The following DHRSX variants were observed in gnomAD, a reference collection of about 807,000 sequenced individuals.
The protein encoded by DHRSX is polyprenol dehydrogenase.
A neutral mutation model predicts 34.0 loss-of-function variants in DHRSX; 31 were observed. The observed-to-expected ratio is 0.91, with a 90% CI of 0.69 to 1.23. DHRSX has a LOEUF of 1.23. DHRSX is among the 50% of genes most tolerant of loss of function. The pLI, the probability that DHRSX is intolerant of heterozygous loss-of-function variation, is 0.00. For synonymous variants in DHRSX, 201 were observed against 183.8 expected (o/e 1.09, Z -0.76); for missense variants, 414 against 428.1 (o/e 0.97, Z 0.29).
intron 3 of DHRSX, among the ~76,000 whole-genome samples, chrX:2,324,428 C>T (rs1270477802): frequency 6.6e-6 from 1 of 152,192 alleles, no homozygotes; most frequent in African/African-American, 2.4e-5. Flanking sequence ...CTTCAGCCTT[C>T]TGGCATTTTT....
chrX:2,462,451 C>G (rs2044416242), intron 1 of DHRSX, among the ~76,000 whole-genome samples: 1 of 152,034 alleles, frequency 6.6e-6, no homozygotes, highest in Admixed American at 6.6e-5. Context: ...AGGAGAATCG[C>G]TTGAACCTGG....
At chrX:2,234,716 C>T (rs1252637637) in intron 6 of DHRSX, among the ~76,000 whole-genome samples, 1 of 152,092 alleles carries the variant, frequency 6.6e-6, no homozygotes, top group Non-Finnish European at 1.5e-5. Context: ...TATTATTTTA[C>T]TTTTTATTTT....
chrX:2,455,741 CAAAAAAA>C (rs752123891), intron 1 of DHRSX, among the ~76,000 whole-genome samples: 2 of 59,806 alleles, frequency 3.3e-5, no homozygotes, highest in African/African-American at 6.6e-5. Flanking sequence ...AACTTCGTCT[CAAAAAAA>C]AAAAAAAAAA....
At chrX:2,423,357 G>A (rs1338852911) in intron 2 of DHRSX, among the ~76,000 whole-genome samples, 1 of 152,042 alleles carries the variant, frequency 6.6e-6, no homozygotes, top group Non-Finnish European at 1.5e-5. Context: ...GGGATGCCGT[G>A]AGCCGAGGTC....
chrX:2,349,563 T>C (rs2042761574), intron 3 of DHRSX, among the ~76,000 whole-genome samples: 1 of 149,006 alleles, frequency 6.7e-6, no homozygotes, highest in African/African-American at 2.6e-5. Context: ...GGCAGGCACC[T>C]GTAATCTCAG....
At chrX:2,266,244 C>A (rs1324627117) in intron 5 of DHRSX, among the ~76,000 whole-genome samples, 3 of 140,524 alleles carry the variant, frequency 2.1e-5, no homozygotes, top group African/African-American at 8.7e-5. Context: ...CGGTGTCCAG[C>A]AGACGCAGGG....
chrX:2,339,421 G>A (rs1353100044), intron 3 of DHRSX, among the ~76,000 whole-genome samples: 2 of 152,082 alleles, frequency 1.3e-5, no homozygotes, highest in Admixed American at 1.3e-4. Flanking sequence ...TTACAGGTGT[G>A]AGCCACCACA....
intron 1 of DHRSX, among the ~76,000 whole-genome samples, chrX:2,474,462 A>T (rs1235364111): frequency 2.0e-5 from 3 of 149,436 alleles, no homozygotes; most frequent in Admixed American, 6.7e-5. Flanking sequence ...CTAAGAATGC[A>T]GCCAAAAGAC....
intron 3 of DHRSX, among the ~76,000 whole-genome samples, chrX:2,336,848 TATAG>T (rs375205503): frequency 0.42 from 64,104 of 151,454 alleles, 15,957 homozygotes; most frequent in Non-Finnish European, 0.58. Context: ...GATAGATAGA[TATAG>T]ATAGATAGAT....
chrX:2,300,479 T>C (rs1332161746), intron 3 of DHRSX, among the ~76,000 whole-genome samples: 3 of 152,114 alleles, frequency 2.0e-5, no homozygotes, highest in African/African-American at 7.2e-5. Flanking sequence ...AGTTTAACAT[T>C]TGAGTTAGTG....
chrX:2,292,188 T>A (rs1399555018), intron 3 of DHRSX, among the ~76,000 whole-genome samples: 1 of 152,200 alleles, frequency 6.6e-6, no homozygotes, highest in Non-Finnish European at 1.5e-5. Context: ...TGTGAGCTGA[T>A]GTTTTGTGAG....
chrX:2,488,881 G>A, intron 1 of DHRSX: 1 of 1,611,980 alleles, frequency 6.2e-7, no homozygotes, highest in Non-Finnish European at 8.5e-7. Flanking sequence ...CGACGCGCGT[G>A]GCCGTCACGC....
chrX:2,337,041 T>C (rs143764878), intron 3 of DHRSX, among the ~76,000 whole-genome samples: 1,916 of 152,152 alleles, frequency 0.013, 54 homozygotes, highest in African/African-American at 0.044. Context: ...CCTGACATCA[T>C]GATCCACCCA....
At chrX:2,488,181 G>T (rs2044998151) in intron 1 of DHRSX, 1 of 157,886 alleles carries the variant, frequency 6.3e-6, no homozygotes, top group Admixed American at 6.5e-5. Flanking sequence ...CACCTCTCTT[G>T]TGTCTTCTTT....
intron 3 of DHRSX, among the ~76,000 whole-genome samples, chrX:2,382,287 C>T (rs186755945): frequency 6.6e-6 from 1 of 152,218 alleles, no homozygotes; most frequent in African/African-American, 2.4e-5. Context: ...GGGTGTCAGA[C>T]TTGGCCAACC....
chrX:2,403,772 C>T (rs1222361691), intron 3 of DHRSX, among the ~76,000 whole-genome samples: 1 of 151,120 alleles, frequency 6.6e-6, no homozygotes, highest in Non-Finnish European at 1.5e-5. Flanking sequence ...AGGAGAATCG[C>T]TTGAACCCGG....
intron 3 of DHRSX, among the ~76,000 whole-genome samples, chrX:2,312,558 A>G (rs2042176013): frequency 6.6e-6 from 1 of 151,966 alleles, no homozygotes; most frequent in Non-Finnish European, 1.5e-5. Context: ...GGAACATCAC[A>G]CACAGGGGTC....
At chrX:2,346,450 C>A (rs1477086194) in intron 3 of DHRSX, among the ~76,000 whole-genome samples, 3 of 151,998 alleles carry the variant, frequency 2.0e-5, no homozygotes, top group African/African-American at 7.2e-5. Context: ...GATTTTCCTG[C>A]CCCCAGCCTC....
chrX:2,254,739 C>T (rs1224407707), intron 5 of DHRSX, among the ~76,000 whole-genome samples: 3 of 151,794 alleles, frequency 2.0e-5, no homozygotes, highest in African/African-American at 4.8e-5. Context: ...CTCCGCCTCC[C>T]GGATTCAAGT....
Sources: gnomAD v4.1 joint callset for allele counts (sites outside exome capture counted in the v4.1 genomes callset) on GRCh38, gnomAD v4.1.1 for gene constraint, MANE v1.5 for transcripts, NCBI Gene and HGNC (gene_info 2026-07-23, HGNC 2026-07-21) for gene names.